The following CHN2 variants were observed in gnomAD, a reference collection of about 807,000 sequenced individuals.
The protein encoded by CHN2 is beta-chimaerin.
A neutral mutation model predicts 56.3 loss-of-function variants in CHN2; 35 were observed. The observed-to-expected ratio is 0.62, with a 90% CI of 0.47 to 0.82. The LOEUF (loss-of-function observed/expected upper bound fraction) is 0.82, where lower values mean the gene tolerates loss of function less well. Ranked by LOEUF, CHN2 falls within the 40% of genes least tolerant of loss-of-function variation. The pLI is 0.00. For missense variants in CHN2, 491 were observed against 580.5 expected (o/e 0.85, Z 1.58); for synonymous variants, 210 against 212.8 (o/e 0.99, Z 0.12).
chr7:29,235,274 T>C (rs1430531634), intron 1 of CHN2, among the ~76,000 whole-genome samples: 3 of 152,084 alleles, frequency 2.0e-5, no homozygotes, highest in Non-Finnish European at 4.4e-5. Context: ...CCAACAAGCA[T>C]ATGAAGAAAT....
intron 6 of CHN2, among the ~76,000 whole-genome samples, chr7:29,407,418 G>A (rs1585290772): frequency 6.6e-6 from 1 of 151,960 alleles, no homozygotes; most frequent in South Asian, 2.1e-4. Context: ...CCTTCACCAA[G>A]CAGAGGCGTG....
chr7:29,208,373 A>T (rs1024994522), intron 1 of CHN2, among the ~76,000 whole-genome samples: 3 of 152,172 alleles, frequency 2.0e-5, no homozygotes, highest in Non-Finnish European at 4.4e-5. Context: ...AGACAAAGCA[A>T]GTACTAGAAC....
intron 1 of CHN2, among the ~76,000 whole-genome samples, chr7:29,266,905 C>G (rs942300362): frequency 6.6e-6 from 1 of 151,904 alleles, no homozygotes; most frequent in African/African-American, 2.4e-5. Context: ...CCTCTGTCTC[C>G]TCTTTTGGAA....
chr7:29,460,721 C>CTCTTGGTA, intron 6 of CHN2, among the ~76,000 whole-genome samples: 1 of 152,208 alleles, frequency 6.6e-6, no homozygotes, highest in East Asian at 1.9e-4. Context: ...ACAGAGCCAT[C>CTCTTGGTA]TCTTGGTATC....
rs779551481 is a variant in CHN2, at chr7:29,480,348, A to G, written c.646A>G (p.Asn216Asp). ...DNHFNYEKTH[N>D]FKVHTFRGPH... ...CCACTTCAATTATGAGAAGACACAC[A>G]ACTTTAAGGTAAGCAAGCCTCTGCA... The change falls in exon 7 of 13, where the codon AAC becomes GAC. Residue 216 changes from asparagine (N) to aspartate (D), a missense_variant. Asn to Asp is a conservative substitution (Grantham distance 23). Coordinates refer to ENST00000222792, the MANE Select transcript of CHN2 (RefSeq NM_004067.4). The G allele has an allele frequency of 1.1e-5, 17 of 1,614,076 alleles. No individual in the cohort carries two copies. The highest frequency in any genetic ancestry group is 1.0e-5 in the Non-Finnish European group (12 of 1,180,018).
intron 6 of CHN2, among the ~76,000 whole-genome samples, chr7:29,475,061 A>G (rs966034835): frequency 6.6e-6 from 1 of 151,992 alleles, no homozygotes; most frequent in Non-Finnish European, 1.5e-5. Flanking sequence ...AAAGGGCTCC[A>G]TTTTCCCAGG....
upstream of CHN2, among the ~76,000 whole-genome samples, chr7:29,190,126 T>C (rs1302411411): frequency 6.6e-6 from 1 of 152,232 alleles, no homozygotes; most frequent in South Asian, 2.1e-4. Context: ...AGCCAATGCG[T>C]TCTCTTTCTC....
chr7:29,482,189 G>C (rs1426990474), intron 7 of CHN2, among the ~76,000 whole-genome samples: 1 of 152,124 alleles, frequency 6.6e-6, no homozygotes, highest in African/African-American at 2.4e-5. Context: ...AGAAGAAAAG[G>C]CACAAAATAG....
intron 3 of CHN2, among the ~76,000 whole-genome samples, chr7:29,371,325 C>T (rs533282708): frequency 3.9e-5 from 6 of 152,266 alleles, no homozygotes; most frequent in East Asian, 1.9e-4. Context: ...ACAGCTCTGG[C>T]GCCAATTAAG....
chr7:29,152,067 A>T (rs1477364750), intron 2 of CHN2, among the ~76,000 whole-genome samples: 4 of 152,192 alleles, frequency 2.6e-5, no homozygotes, highest in Non-Finnish European at 4.4e-5. Context: ...TATTGTGCCT[A>T]TGAAGAGTTG....
At chr7:29,355,658 A>G (rs1336776104) in intron 2 of CHN2, among the ~76,000 whole-genome samples, 1 of 150,618 alleles carries the variant, frequency 6.6e-6, no homozygotes, top group Non-Finnish European at 1.5e-5. Context: ...CATCATTAGC[A>G]TTCCTAACGA....
chr7:29,408,996 A>C (rs955505209), intron 6 of CHN2, among the ~76,000 whole-genome samples: 1 of 152,244 alleles, frequency 6.6e-6, no homozygotes, highest in Non-Finnish European at 1.5e-5. Context: ...CAAAGGACCA[A>C]ACCTAACGGA....
intron 1 of CHN2, among the ~76,000 whole-genome samples, chr7:29,195,629 A>AGTGTGTGTGT (rs70980513): frequency 3.6e-4 from 42 of 117,496 alleles, no homozygotes; most frequent in African/African-American, 1.3e-3. Flanking sequence ...AGAGAGAGAG[A>AGTGTGTGTGT]GTGTGTGTGT....
chr7:29,337,094 C>G (rs1401635886), intron 1 of CHN2, among the ~76,000 whole-genome samples: 1 of 152,150 alleles, frequency 6.6e-6, no homozygotes, highest in East Asian at 1.9e-4. Flanking sequence ...ACTTTGTCAT[C>G]TTTGTGTACC....
chr7:29,208,625 C>T (rs1393227870), intron 1 of CHN2, among the ~76,000 whole-genome samples: 2 of 152,182 alleles, frequency 1.3e-5, no homozygotes, highest in Non-Finnish European at 2.9e-5. Flanking sequence ...GCTAAGCCAT[C>T]TCTAACAAAA....
At chr7:29,446,836 C>T (rs1356987640) in intron 6 of CHN2, among the ~76,000 whole-genome samples, 2 of 152,160 alleles carry the variant, frequency 1.3e-5, no homozygotes, top group African/African-American at 4.8e-5. Context: ...TGGTTTTCTC[C>T]ACCAGCTGGA....
rs1427324163 is a variant in CHN2 at position 29,420,263 on chromosome 7, C to T, written c.576+19435C>T. Among the ~76,000 whole-genome samples the T allele has an allele frequency of 2.6e-5, 4 of 152,166 alleles. No homozygotes were observed. The South Asian group carries it at 6.2e-4, about 24-fold the overall frequency. ...ATCACCATATGATCTAACAATTCCA[C>T]TTCTGGGTATATAGCCAAAAGAATT... is the stretch of plus-strand genomic sequence containing the variant. On this transcript the variant is annotated intron_variant, in intron 6 of 12. Coordinates refer to ENST00000222792, the MANE Select transcript of CHN2 (RefSeq NM_004067.4).
chr7:29,319,706 C>A (rs1470931978), intron 1 of CHN2, among the ~76,000 whole-genome samples: 1 of 152,188 alleles, frequency 6.6e-6, no homozygotes, highest in Admixed American at 6.5e-5. Context: ...TACTTTATTT[C>A]CAGCATTTCT....
chr7:29,415,575 G>A (rs752623586), intron 6 of CHN2, among the ~76,000 whole-genome samples: 17 of 152,198 alleles, frequency 1.1e-4, no homozygotes, highest in African/African-American at 2.7e-4. Context: ...GGCCAGCCTC[G>A]GGACACAGTT....
Sources: gnomAD v4.1 joint callset for allele counts (sites outside exome capture counted in the v4.1 genomes callset) on GRCh38, gnomAD v4.1.1 for gene constraint, MANE v1.5 for transcripts, NCBI Gene and HGNC (gene_info 2026-07-23, HGNC 2026-07-21) for gene names.